The following EYS variants were observed in gnomAD, a reference collection of about 807,000 sequenced individuals.
The protein encoded by EYS is EGF-like photoreceptor maintenance factor, also known as protein eyes shut homolog.
In EYS, 250 loss-of-function variants were observed where a neutral mutation model predicts 282.1. The ratio of observed to expected loss-of-function variants is 0.89; its 90% CI spans 0.80 to 0.98. The LOEUF (loss-of-function observed/expected upper bound fraction) is 0.98. EYS is among the 50% of genes least tolerant of loss of function. The probability of loss-of-function intolerance (pLI) is 0.00; values close to 1 mark genes in which losing one functional copy is unlikely to be tolerated. For synonymous variants in EYS, 1,355 were observed against 1,282.9 expected (o/e 1.06, Z -1.20); for missense variants, 4,016 against 3,709.0 (o/e 1.08, Z -2.15).
chr6:64,301,904 T>TG (rs771917151), intron 30 of EYS, among the ~76,000 whole-genome samples: 54 of 152,294 alleles, frequency 3.5e-4, no homozygotes, highest in Non-Finnish European at 5.4e-4. Flanking sequence ...AAGCTGAGGT[T>TG]GGGGCCTTAA....
chr6:64,305,715 C>T (rs1010611248), intron 30 of EYS, among the ~76,000 whole-genome samples: 4 of 152,092 alleles, frequency 2.6e-5, no homozygotes, highest in Non-Finnish European at 4.4e-5. Context: ...GGACCCTTAC[C>T]TAACACCATA....
intron 29 of EYS, among the ~76,000 whole-genome samples, chr6:64,369,535 C>G (rs1441861805): frequency 6.6e-6 from 1 of 152,148 alleles, no homozygotes; most frequent in Non-Finnish European, 1.5e-5. Context: ...TTCTTCCCGT[C>G]TATGAGCATG....
At chr6:64,378,478 A>ATGGAGTATATAGGACTAGAAATAAC (rs1772635929) in intron 29 of EYS, among the ~76,000 whole-genome samples, 3 of 152,292 alleles carry the variant, frequency 2.0e-5, no homozygotes, top group Admixed American at 6.5e-5. Flanking sequence ...CATTTCCAGA[A>ATGGAGTATATAGGACTAGAAATAAC]TGGAGTATAT....
intron 22 of EYS, among the ~76,000 whole-genome samples, chr6:64,789,664 T>C (rs1432608327): frequency 6.6e-6 from 1 of 152,108 alleles, no homozygotes; most frequent in African/African-American, 2.4e-5. Context: ...CGAATTCTCT[T>C]TCTCCTTCCC....
chr6:63,909,018 G>T (rs12529599), intron 35 of EYS, among the ~76,000 whole-genome samples: 44,493 of 151,786 alleles, frequency 0.29, 6,646 homozygotes, highest in Admixed American at 0.37. Flanking sequence ...CTGGATTATT[G>T]GCTGTGCTTA....
At chr6:64,276,491 GA>G (rs1768119449) in intron 30 of EYS, among the ~76,000 whole-genome samples, 1 of 152,140 alleles carries the variant, frequency 6.6e-6, no homozygotes, top group African/African-American at 2.4e-5. Context: ...TAGAATCAAT[GA>G]GGGATACTGC....
At position 63,722,727 on chromosome 6, in the gene EYS, T is replaced by A. The variant is rs142569381; in HGVS notation, c.8234-930A>T. On this transcript the variant is annotated intron_variant, in intron 42 of 42. Coordinates refer to ENST00000503581, the MANE Select transcript of EYS (RefSeq NM_001142800.2). The stretch of plus-strand genomic sequence containing the variant: ...ATATTCGGCATTATGCTACACTACT[T>A]CTTCCTCCCTCCAGAGTGCCTATTT... Among the ~76,000 whole-genome samples the A allele has an allele frequency of 5.4e-4, 83 of 152,304 alleles. No individual in the cohort carries two copies. In the East Asian group the frequency reaches 0.013, roughly 24 times the overall value.
At chr6:64,444,634 G>C (rs749649286) in intron 26 of EYS, among the ~76,000 whole-genome samples, 13 of 152,146 alleles carry the variant, frequency 8.5e-5, no homozygotes, top group Non-Finnish European at 1.0e-4. Context: ...CATGATACAT[G>C]ATTCTGTCAA....
intron 11 of EYS, among the ~76,000 whole-genome samples, chr6:65,310,976 A>T (rs985063928): frequency 6.6e-6 from 1 of 152,092 alleles, no homozygotes; most frequent in Non-Finnish European, 1.5e-5. Flanking sequence ...TGTCGTGTTC[A>T]CTATTGTTTT....
At chr6:64,391,249 C>G (rs1293291437) in intron 28 of EYS, among the ~76,000 whole-genome samples, 1 of 151,504 alleles carries the variant, frequency 6.6e-6, no homozygotes, top group South Asian at 2.1e-4. Context: ...AGCAGGCCAA[C>G]ATTCAGATTC....
intron 30 of EYS, among the ~76,000 whole-genome samples, chr6:64,285,399 C>T (rs1431842774): frequency 1.3e-5 from 2 of 152,212 alleles, no homozygotes; most frequent in East Asian, 3.9e-4. Context: ...ACAAGAGTTA[C>T]CTTTGCTTCA....
At chr6:64,475,148 T>C (rs1277733097) in intron 26 of EYS, among the ~76,000 whole-genome samples, 2 of 152,234 alleles carry the variant, frequency 1.3e-5, no homozygotes, top group Non-Finnish European at 2.9e-5. Context: ...TCTTTCCCAA[T>C]GTCTCTCCTT....
At chr6:64,034,364 G>A (rs988506203) in intron 33 of EYS, among the ~76,000 whole-genome samples, 3 of 152,158 alleles carry the variant, frequency 2.0e-5, no homozygotes, top group Non-Finnish European at 4.4e-5. Flanking sequence ...ACCTCCAGAT[G>A]TAGGCAATGT....
chr6:65,245,697 T>TA (rs557943142), intron 12 of EYS, among the ~76,000 whole-genome samples: 3,197 of 147,284 alleles, frequency 0.022, 81 homozygotes, highest in African/African-American at 0.063. Flanking sequence ...TTAAAAAAAG[T>TA]AAAAAAAAAA....
At chr6:65,520,387 A>T (rs1326537353) in intron 2 of EYS, among the ~76,000 whole-genome samples, 4 of 152,162 alleles carry the variant, frequency 2.6e-5, no homozygotes, top group Non-Finnish European at 2.9e-5. Flanking sequence ...ATAACAAGAC[A>T]TATGTTGAAC....
chr6:64,215,912 T>C (rs1765913937), intron 31 of EYS, among the ~76,000 whole-genome samples: 1 of 152,112 alleles, frequency 6.6e-6, no homozygotes, highest in African/African-American at 2.4e-5. Flanking sequence ...TTTGAGCCTC[T>C]AAAGAAGAAA....
chr6:64,538,865 C>T (rs1292087859), intron 26 of EYS, among the ~76,000 whole-genome samples: 1 of 152,132 alleles, frequency 6.6e-6, no homozygotes, highest in African/African-American at 2.4e-5. Context: ...TCCATTTGAA[C>T]TCAAAATCCA....
At position 65,190,260 on chromosome 6, in the gene EYS, T is replaced by A. The variant is rs561760951; in HGVS notation, c.2023+105603A>T. ...TATGTAAATTTATATTTATGTTTAATTTATATATTTATATGTTATATAAAG... is the reference window on the plus strand; with the variant it reads ...TATGTAAATTTATATTTATGTTTAAATTATATATTTATATGTTATATAAAG... On this transcript the variant is annotated intron_variant, in intron 12 of 42. Coordinates refer to ENST00000503581, the MANE Select transcript of EYS (RefSeq NM_001142800.2). Among the ~76,000 whole-genome samples the A allele has an allele frequency of 4.9e-4, 72 of 148,046 alleles. 1 individual carries two copies. The South Asian group carries it at 0.015, about 31-fold the overall frequency.
intron 22 of EYS, among the ~76,000 whole-genome samples, chr6:64,658,880 A>G (rs917865533): frequency 3.3e-5 from 5 of 152,222 alleles, no homozygotes; most frequent in Non-Finnish European, 7.3e-5. Context: ...GCTCTGCACC[A>G]AGTGGACCTA....
Sources: allele counts gnomAD v4.1 joint callset (sites outside exome capture counted in the v4.1 genomes callset), GRCh38; gene constraint gnomAD v4.1.1; transcripts MANE v1.5; gene names NCBI Gene and HGNC (gene_info 2026-07-23, HGNC 2026-07-21).